Variants in LMNB1 observed in about 807,000 individuals in gnomAD.
LMNB1 encodes lamin B1.
LMNB1 carries 23 observed loss-of-function variants against 67.1 expected under a neutral mutation model. The observed-to-expected ratio is 0.34, with a 90% CI of 0.25 to 0.49. The LOEUF (loss-of-function observed/expected upper bound fraction) is 0.49. Among genes scored for constraint, LMNB1 ranks in the 20% least tolerant of loss-of-function variants. LMNB1 has a pLI of 0.99. For synonymous variants in LMNB1, 281 were observed against 282.9 expected, an observed-to-expected ratio of 0.99 and a Z score of 0.07; for missense variants, 634 against 746.5, an observed-to-expected ratio of 0.85 and a Z score of 1.76.
chr5:126,833,210 A>G (rs550589718), intron 10 of LMNB1, among the ~76,000 whole-genome samples: 2 of 152,372 alleles, frequency 1.3e-5, no homozygotes, highest in South Asian at 4.1e-4. Flanking sequence ...CTTCAGTGTG[A>G]AACAAAATTC....
chr5:126,796,360 G>A lies in LMNB1; in HGVS notation c.360-8416G>A, dbSNP rs1751092464. Among the ~76,000 whole-genome samples the A allele has an allele frequency of 3.9e-5, 6 of 152,260 alleles. No homozygotes were observed. In the South Asian group the frequency reaches 1.2e-3, roughly 32 times the overall value. On this transcript the variant is annotated intron_variant, in intron 1 of 10. Coordinates refer to ENST00000261366, the MANE Select transcript of LMNB1 (RefSeq NM_005573.4). Reference sequence around the variant, plus strand: ...TAGACAAATGAAGGACACCCAGGGAGTGAGAGAGAGTCATCCTCACAGAAG... The same window carrying A: ...TAGACAAATGAAGGACACCCAGGGAATGAGAGAGAGTCATCCTCACAGAAG...
Position 126,777,451 on chromosome 5 carries a change from C to T in LMNB1, c.-58C>T. 7.8e-7 allele frequency: 1 copy of T among 1,277,658 alleles called. No individual in the cohort carries two copies. Among genetic ancestry groups the T allele is most frequent in the South Asian group, 2.8e-5 (1 of 35,138 alleles). The allele number at this position is 1,277,658 out of a possible 1,614,324, so 79.1% of individuals were successfully genotyped here. On this transcript the variant is annotated 5_prime_UTR_variant, in exon 1 of 11. Coordinates refer to ENST00000261366, the MANE Select transcript of LMNB1 (RefSeq NM_005573.4). The stretch of plus-strand genomic sequence containing the variant: ...GGTCCCCGCTTCGCCCCCTGCCGTC[C>T]CCTCCTTATCACGGTCCCGCTCGCG...
chr5:126,779,755 G>A (rs987344790), intron 1 of LMNB1, among the ~76,000 whole-genome samples: 1 of 151,994 alleles, frequency 6.6e-6, no homozygotes, highest in Non-Finnish European at 1.5e-5. Flanking sequence ...AAAATTGGCC[G>A]GACGCGGGGG....
chr5:126,795,949 T>TTTTTTTGG (rs1751079121), intron 1 of LMNB1, among the ~76,000 whole-genome samples: 2 of 145,206 alleles, frequency 1.4e-5, no homozygotes, highest in African/African-American at 5.1e-5. Flanking sequence ...TTTTTTTTTT[T>TTTTTTTGG]GAGACGGAGT....
intron 10 of LMNB1, among the ~76,000 whole-genome samples, chr5:126,835,090 G>A (rs1362192338): frequency 2.6e-5 from 4 of 152,160 alleles, no homozygotes; most frequent in Non-Finnish European, 5.9e-5. Context: ...TAACTCTAGA[G>A]AGGAGATTCC....
intron 3 of LMNB1, 84 bp from the exon 4 acceptor site, chr5:126,810,096 T>G: frequency 2.3e-6 from 3 of 1,313,176 alleles, no homozygotes; most frequent in Non-Finnish European, 3.2e-6. Context: ...GTGTAAAACT[T>G]CAGATGGCTG....
At chr5:126,832,843 T>A (rs752713713) in intron 10 of LMNB1, 42 bp downstream of exon 10, 4 of 1,317,878 alleles carry the variant, frequency 3.0e-6, no homozygotes, top group Non-Finnish European at 4.2e-6. Context: ...CAAATTTTAT[T>A]CACAGAATTA....
chr5:126,778,391 AC>A (rs1448842979), intron 1 of LMNB1, among the ~76,000 whole-genome samples: 3 of 152,024 alleles, frequency 2.0e-5, no homozygotes, highest in South Asian at 4.1e-4. Flanking sequence ...AAGGGGAGGG[AC>A]CTTCCCGCAG....
At chr5:126,829,011 C>T (rs753899833) in intron 9 of LMNB1, among the ~76,000 whole-genome samples, 8 of 151,878 alleles carry the variant, frequency 5.3e-5, no homozygotes, top group South Asian at 2.1e-4. Flanking sequence ...TCATTTAATT[C>T]GATAAGACCA....
intron 8 of LMNB1, among the ~76,000 whole-genome samples, chr5:126,825,293 A>T (rs1432336210): frequency 6.6e-6 from 1 of 152,236 alleles, no homozygotes. Flanking sequence ...GAAGGGAAAT[A>T]TAATTATTTC....
At chr5:126,808,382 TA>T (rs1751504331) in intron 3 of LMNB1, among the ~76,000 whole-genome samples, 1 of 151,050 alleles carries the variant, frequency 6.6e-6, no homozygotes, top group Non-Finnish European at 1.5e-5. Context: ...TTTTACTAAG[TA>T]ATACCATGTT....
chr5:126,820,618 C>T (rs1224422428), intron 6 of LMNB1, among the ~76,000 whole-genome samples: 1 of 152,066 alleles, frequency 6.6e-6, no homozygotes, highest in South Asian at 2.1e-4. Context: ...CTCTGCCTCC[C>T]GGGTTCAAGC....
At chr5:126,787,546 A>T (rs79383273) in intron 1 of LMNB1, among the ~76,000 whole-genome samples, 25,590 of 66,232 alleles carry the variant, frequency 0.39, 5,965 homozygotes, top group South Asian at 0.49. Flanking sequence ...ATATATATAT[A>T]TTTTTTTTTT....
intron 9 of LMNB1, among the ~76,000 whole-genome samples, chr5:126,827,596 G>A (rs2126735799): frequency 6.6e-6 from 1 of 152,314 alleles, no homozygotes; most frequent in East Asian, 1.9e-4. Context: ...GGGATGAGCT[G>A]AGATTGCGCC....
chr5:126,823,138 T>C (rs1751911913), intron 8 of LMNB1, among the ~76,000 whole-genome samples: 1 of 152,214 alleles, frequency 6.6e-6, no homozygotes, highest in Admixed American at 6.5e-5. Flanking sequence ...GGCTGATACT[T>C]ATAGCCCAGT....
At chr5:126,808,808 T>G (rs115808340) in intron 3 of LMNB1, among the ~76,000 whole-genome samples, 78 of 152,264 alleles carry the variant, frequency 5.1e-4, no homozygotes, top group African/African-American at 1.8e-3. Flanking sequence ...TGCGCTAATA[T>G]ACACAAACAG....
In LMNB1 at chr5:126,800,970, TA is replaced by T. The variant is rs1561742466; in HGVS notation, c.360-3805del. On this transcript the variant is annotated intron_variant, in intron 1 of 10. Coordinates refer to ENST00000261366, the MANE Select transcript of LMNB1 (RefSeq NM_005573.4). ...GCCAGACTATATATATATATATATATATATATATATAATTTTTTTTTTTTTT... is the reference window on the plus strand; with the variant it reads ...GCCAGACTATATATATATATATATATTATATATATAATTTTTTTTTTTTTT... 3.3e-3 allele frequency among the ~76,000 whole-genome samples: 275 copies of T among 82,516 alleles called. 4 individuals carry two copies. The highest frequency in any genetic ancestry group is 0.011 in the African/African-American group (257 of 24,200). The allele number at this position is 82,516 out of a possible 152,430, so 54.1% of individuals were successfully genotyped here.
chr5:126,813,008 C>T (rs186922740), intron 5 of LMNB1, among the ~76,000 whole-genome samples: 229 of 152,272 alleles, frequency 1.5e-3, no homozygotes, highest in African/African-American at 4.9e-3. Context: ...GGATTACAGG[C>T]GTGAGCCACC....
At chr5:126,834,212 C>CT (rs545249724) in intron 10 of LMNB1, among the ~76,000 whole-genome samples, 4,879 of 145,220 alleles carry the variant, frequency 0.034, 107 homozygotes, top group Middle Eastern at 0.11. Flanking sequence ...TTTCTTTTTT[C>CT]TTTTTTTTTT....
Sources: allele counts gnomAD v4.1 joint callset (sites outside exome capture counted in the v4.1 genomes callset), GRCh38; gene constraint gnomAD v4.1.1; transcripts MANE v1.5; gene names NCBI Gene and HGNC (gene_info 2026-07-23, HGNC 2026-07-21).